VPS13D: variants seen among roughly 807,000 people sequenced by gnomAD.
VPS13D encodes vacuolar protein sorting 13 homolog D.
In VPS13D, 187 loss-of-function variants were observed where a neutral mutation model predicts 461.9. That is an observed-to-expected ratio of 0.40 (90% CI 0.36 to 0.46). VPS13D has a LOEUF of 0.46. Among genes scored for constraint, VPS13D ranks in the 20% least tolerant of loss-of-function variants. The pLI, the probability that VPS13D is intolerant of heterozygous loss-of-function variation, is 0.60. For missense variants in VPS13D, 4,711 were observed against 5,364.9 expected (o/e 0.88, Z 3.81); for synonymous variants, 1,951 against 1,986.3 (o/e 0.98, Z 0.47).
intron 65 of VPS13D, among the ~76,000 whole-genome samples, chr1:12,422,394 T>C (rs1644875478): frequency 6.6e-6 from 1 of 152,258 alleles, no homozygotes; most frequent in South Asian, 2.1e-4. Context: ...GGTATTTATT[T>C]CTACCAGGCC....
intron 6 of VPS13D, among the ~76,000 whole-genome samples, chr1:12,253,488 G>GATTC: frequency 1.3e-5 from 2 of 152,278 alleles, no homozygotes. Flanking sequence ...GCATCGTATA[G>GATTC]ATTCTTCTTC....
chr1:12,487,468 G>A (rs763289889), intron 67 of VPS13D, among the ~76,000 whole-genome samples: 6 of 152,020 alleles, frequency 3.9e-5, no homozygotes, highest in South Asian at 2.1e-4. Flanking sequence ...AAAATTAGCC[G>A]GGCATGGTGC....
intron 65 of VPS13D, among the ~76,000 whole-genome samples, chr1:12,454,334 C>T (rs907445592): frequency 6.6e-6 from 1 of 152,330 alleles, no homozygotes; most frequent in South Asian, 2.1e-4. Context: ...TAGTGATTCA[C>T]GGTGCTAGCT....
At chr1:12,433,272 A>C (rs1220481122) in intron 65 of VPS13D, among the ~76,000 whole-genome samples, 3 of 150,154 alleles carry the variant, frequency 2.0e-5, no homozygotes, top group Non-Finnish European at 4.5e-5. Flanking sequence ...AAAAAAAAAC[A>C]AAAAAACAAA....
chr1:12,278,325 C>T (rs764391672), intron 19 of VPS13D, among the ~76,000 whole-genome samples: 8 of 152,042 alleles, frequency 5.3e-5, no homozygotes, highest in Non-Finnish European at 1.0e-4. Flanking sequence ...GGCTGGAGTG[C>T]AATGATGCAG....
chr1:12,356,080 T>G lies in VPS13D; in HGVS notation c.9861T>G (p.Ile3287Met). The G allele has an allele frequency of 6.2e-7, 1 of 1,609,732 alleles. No homozygotes were observed. Among genetic ancestry groups the G allele is most frequent in the Non-Finnish European group, 8.5e-7 (1 of 1,177,338 alleles). The change falls in exon 48 of 70, where the codon ATT (isoleucine) becomes ATG (methionine). Residue 3287 changes from isoleucine (I) to methionine (M), a missense_variant. Transcript: ENST00000620676. ...TCATTTCTGCTCCATATTGGCTGAT[T>G]AACAAAACAGGTACATACAGGGGCT... Reference protein sequence around the residue: ...KIFISAPYWLINKTGLPLIFR... With the variant: ...KIFISAPYWLMNKTGLPLIFR...
At chr1:12,394,016 C>A (rs148129703) in intron 60 of VPS13D, among the ~76,000 whole-genome samples, 45 of 152,274 alleles carry the variant, frequency 3.0e-4, no homozygotes, top group African/African-American at 1.1e-3. Context: ...CCTGTATCCG[C>A]GAAATGTCTG....
chr1:12,466,517 A>G (rs1645485046), intron 67 of VPS13D, among the ~76,000 whole-genome samples: 2 of 152,218 alleles, frequency 1.3e-5, no homozygotes, highest in Admixed American at 6.5e-5. Flanking sequence ...TGGCTTAATA[A>G]GAAAATATTT....
chr1:12,302,208 G>A (rs1238705661), intron 25 of VPS13D, among the ~76,000 whole-genome samples: 1 of 152,172 alleles, frequency 6.6e-6, no homozygotes, highest in African/African-American at 2.4e-5. Flanking sequence ...AGTATATGTG[G>A]TCTGTGGTTG....
At chr1:12,254,900 C>T (rs1294956132) in intron 7 of VPS13D, among the ~76,000 whole-genome samples, 1 of 151,576 alleles carries the variant, frequency 6.6e-6, no homozygotes, top group African/African-American at 2.4e-5. Context: ...TTTTTTCCTC[C>T]ACCCAGGGTT....
At chr1:12,380,053 G>T (rs1009271260) in intron 57 of VPS13D, among the ~76,000 whole-genome samples, 1 of 152,192 alleles carries the variant, frequency 6.6e-6, no homozygotes, top group Non-Finnish European at 1.5e-5. Context: ...ACAGGCGTGA[G>T]CCACCGCGCC....
At chr1:12,353,864 T>C (rs1643863597) in intron 46 of VPS13D, 110 bp from the exon 47 acceptor site, 2 of 1,128,718 alleles carry the variant, frequency 1.8e-6, no homozygotes, top group Non-Finnish European at 2.5e-6. Context: ...CTGCAAATAA[T>C]TTTACTCATT....
At chr1:12,390,024 G>A (rs746360718) in intron 60 of VPS13D, among the ~76,000 whole-genome samples, 27 of 152,336 alleles carry the variant, frequency 1.8e-4, no homozygotes, top group South Asian at 4.1e-4. Flanking sequence ...GTTAGGCGGA[G>A]CCCAAAGTGT....
At chr1:12,488,696 G>C (rs1386367899) in intron 67 of VPS13D, among the ~76,000 whole-genome samples, 1 of 144,560 alleles carries the variant, frequency 6.9e-6, no homozygotes, top group African/African-American at 2.5e-5. Flanking sequence ...AAAAAAAGTA[G>C]TGAAAATGTA....
At chr1:12,416,587 C>A (rs1052098433) in intron 64 of VPS13D, 73 bp from the exon 65 acceptor site, 94 of 1,477,932 alleles carry the variant, frequency 6.4e-5, no homozygotes, top group Admixed American at 2.6e-4. Context: ...CTAAGCTCTT[C>A]GCTTGGGACA....
At chr1:12,389,129 G>C (rs937567244) in intron 60 of VPS13D, among the ~76,000 whole-genome samples, 2 of 152,152 alleles carry the variant, frequency 1.3e-5, no homozygotes, top group Non-Finnish European at 2.9e-5. Flanking sequence ...ATCCAGCATG[G>C]GAGAAAGATG....
intron 2 of VPS13D, among the ~76,000 whole-genome samples, chr1:12,241,142 C>T (rs184118913): frequency 8.4e-4 from 128 of 151,586 alleles, no homozygotes; most frequent in African/African-American, 2.8e-3. Flanking sequence ...GGGGTCTTGC[C>T]GTATTGCCCA....
At chr1:12,238,688 G>A (rs1395684590) in intron 2 of VPS13D, among the ~76,000 whole-genome samples, 3 of 149,844 alleles carry the variant, frequency 2.0e-5, no homozygotes, top group Non-Finnish European at 4.4e-5. Flanking sequence ...CTAGAGTGCA[G>A]TAGTAGGATC....
At chr1:12,319,731 T>G (rs1294050868) in intron 32 of VPS13D, 101 bp downstream of exon 32, 2 of 1,542,856 alleles carry the variant, frequency 1.3e-6, no homozygotes, top group Non-Finnish European at 1.8e-6. Context: ...GGGAAGGAAT[T>G]AATGAAATTG....
Sources: gnomAD v4.1 joint callset for allele counts (sites outside exome capture counted in the v4.1 genomes callset) on GRCh38, gnomAD v4.1.1 for gene constraint, MANE v1.5 for transcripts, NCBI Gene and HGNC (gene_info 2026-07-23, HGNC 2026-07-21) for gene names.